The following XYLT1 variants were observed in gnomAD, a reference collection of about 807,000 sequenced individuals.
The protein encoded by XYLT1 is beta-D-xylosyltransferase 1.
In XYLT1, 36 loss-of-function variants were observed where a neutral mutation model predicts 91.3. The observed-to-expected ratio is 0.39, with a 90% CI of 0.30 to 0.52. The LOEUF is 0.52. Among genes scored for constraint, XYLT1 ranks in the 20% least tolerant of loss-of-function variants. The pLI is 0.68. For missense variants in XYLT1, 1,242 were observed against 1,284.5 expected (o/e 0.97, Z 0.51); for synonymous variants, 588 against 532.0 (o/e 1.11, Z -1.45).
rs527818743 is a variant in XYLT1 at position 17,233,433 on chromosome 16, G to C, written c.913+25555C>G. Reference sequence around the variant, plus strand: ...GCTAGTGATGGAGACTTCTGACTGCGGAAGCGAGCAAGAGTCCTCAGAGCA... The same window carrying C: ...GCTAGTGATGGAGACTTCTGACTGCCGAAGCGAGCAAGAGTCCTCAGAGCA... On this transcript the variant is annotated intron_variant, in intron 3 of 11. Coordinates refer to ENST00000261381, the MANE Select transcript of XYLT1 (RefSeq NM_022166.4). Among the ~76,000 whole-genome samples, 3 of 152,210 alleles carry C rather than the reference G, an allele frequency of 2.0e-5. 1 individual carries two copies. The highest frequency in any genetic ancestry group is 4.4e-5 in the Non-Finnish European group (3 of 68,038).
intron 1 of XYLT1, among the ~76,000 whole-genome samples, chr16:17,389,169 T>C (rs1306732436): frequency 6.6e-6 from 1 of 152,244 alleles, no homozygotes; most frequent in South Asian, 2.1e-4. Context: ...AAATTCAGCA[T>C]TGTTGATCCC....
intron 1 of XYLT1, among the ~76,000 whole-genome samples, chr16:17,410,975 T>A (rs940853233): frequency 6.6e-6 from 1 of 152,166 alleles, no homozygotes; most frequent in Non-Finnish European, 1.5e-5. Context: ...CCAGGCTTCT[T>A]GCATATTTTA....
intron 10 of XYLT1, among the ~76,000 whole-genome samples, chr16:17,120,155 C>A (rs924666240): frequency 6.6e-6 from 1 of 152,056 alleles, no homozygotes; most frequent in Non-Finnish European, 1.5e-5. Context: ...AGCATAGTGC[C>A]CGGAACACAG....
intron 5 of XYLT1, among the ~76,000 whole-genome samples, chr16:17,181,950 G>A (rs1416689192): frequency 6.6e-6 from 1 of 152,072 alleles, no homozygotes; most frequent in Non-Finnish European, 1.5e-5. Context: ...TGTTTTGATG[G>A]TGAGAAGGTG....
chr16:17,456,442 A>T (rs529007284), intron 1 of XYLT1, among the ~76,000 whole-genome samples: 4 of 146,708 alleles, frequency 2.7e-5, no homozygotes, highest in Admixed American at 1.4e-4. Flanking sequence ...GGGTCAAGTG[A>T]TCCTCCCACC....
intron 3 of XYLT1, among the ~76,000 whole-genome samples, chr16:17,206,055 G>A (rs1395338475): frequency 6.6e-6 from 1 of 152,150 alleles, no homozygotes; most frequent in Non-Finnish European, 1.5e-5. Context: ...GAGCTGGGGT[G>A]TAGAATGCAA....
intron 2 of XYLT1, among the ~76,000 whole-genome samples, chr16:17,330,184 T>C (rs577756763): frequency 2.9e-4 from 44 of 150,916 alleles, no homozygotes; most frequent in Middle Eastern, 6.9e-3. Flanking sequence ...ACAAAGCACT[T>C]GCTCATTACA....
rs137935194 is a variant in XYLT1, at chr16:17,108,807, C to T, written c.2768G>A (p.Gly923Asp). The T allele has an allele frequency of 8.3e-5, 133 of 1,612,074 alleles. No homozygotes were observed. In the African/African-American group the frequency reaches 1.6e-3, roughly 20 times the overall value. Residue 923 changes from glycine (G) to aspartate (D), a missense_variant, in exon 12 of 12, where the codon GGC becomes GAC. Gly to Asp is a moderately conservative substitution (Grantham distance 94, BLOSUM62 -1). This residue lies in a region of XYLT1 where 511 missense variants were observed against 497.0 expected (regional missense o/e 1.03). Coordinates refer to ENST00000261381, the MANE Select transcript of XYLT1 (RefSeq NM_022166.4). ...CTGCATGACCGGGCAGGCTGTGGGG[C>T]CCGTGGCACAGATGTCCATGGCAGT... ...MWTAMDICAT[G>D]PTACPVMQTC...
intron 1 of XYLT1, among the ~76,000 whole-genome samples, chr16:17,455,738 G>A (rs1023939007): frequency 6.6e-6 from 1 of 152,154 alleles, no homozygotes; most frequent in Non-Finnish European, 1.5e-5. Flanking sequence ...TATTTTCTGC[G>A]GCGTCTGCGC....
intron 2 of XYLT1, among the ~76,000 whole-genome samples, chr16:17,283,866 C>T (rs1007631891): frequency 1.3e-5 from 2 of 152,318 alleles, no homozygotes; most frequent in East Asian, 3.9e-4. Context: ...CATTTGACAA[C>T]CATGAATTAG....
intron 1 of XYLT1, among the ~76,000 whole-genome samples, chr16:17,411,263 T>G (rs1302065204): frequency 1.3e-5 from 2 of 152,238 alleles, no homozygotes; most frequent in African/African-American, 4.8e-5. Context: ...TTGCTATTGT[T>G]GATGTTGATA....
Position 17,363,393 on chromosome 16 carries a change from G to A in XYLT1, c.364-5343C>T, listed in dbSNP as rs570218217. Reference sequence around the variant, plus strand: ...AGATTTATCCTTTCACAGTTCTGGAGGTTGAAAGTCCAAGGTCAAGGTGTC... The same window carrying A: ...AGATTTATCCTTTCACAGTTCTGGAAGTTGAAAGTCCAAGGTCAAGGTGTC... On this transcript the variant is annotated intron_variant, in intron 1 of 11. Transcript: ENST00000261381. Among the ~76,000 whole-genome samples, 3 of 152,324 alleles carry A rather than the reference G, an allele frequency of 2.0e-5. No homozygotes were observed. The South Asian group carries it at 6.2e-4, about 32-fold the overall frequency.
At chr16:17,380,856 A>G (rs774741729) in intron 1 of XYLT1, among the ~76,000 whole-genome samples, 1 of 152,226 alleles carries the variant, frequency 6.6e-6, no homozygotes, top group Non-Finnish European at 1.5e-5. Flanking sequence ...CGTGACAGGG[A>G]CAAACCTCAA....
chr16:17,151,803 G>GAAACT (rs1202137496), intron 6 of XYLT1, among the ~76,000 whole-genome samples: 1 of 151,984 alleles, frequency 6.6e-6, no homozygotes, highest in Non-Finnish European at 1.5e-5. Context: ...AGAAGAGAGA[G>GAAACT]AAACTTCTCT....
Position 17,265,408 on chromosome 16 carries a change from C to T in XYLT1, c.403-5910G>A, listed in dbSNP as rs548602755. The stretch of plus-strand genomic sequence containing the variant: ...TGATCAACTGGCATCATCTTCTCTA[C>T]TCTTCATCAATCCAACTCTCTCACC... On this transcript the variant is annotated intron_variant, in intron 2 of 11. Coordinates refer to ENST00000261381, the MANE Select transcript of XYLT1 (RefSeq NM_022166.4). Among the ~76,000 whole-genome samples, 6 of 152,320 alleles carry T rather than the reference C, an allele frequency of 3.9e-5. No homozygotes were observed. The South Asian group carries it at 8.3e-4, about 21-fold the overall frequency.
Position 17,158,985 on chromosome 16 carries a change from C to G in XYLT1, c.1290-76G>C, listed in dbSNP as rs915960534. ...CTTTGTCACAGAAAGCAAGTTTCAC[C>G]AATTATGTCAGTCTGCTTGAAGCAC... On this transcript the variant is annotated intron_variant, in intron 5 of 11. Transcript: ENST00000261381. The G allele has an allele frequency of 4.6e-6, 6 of 1,318,536 alleles. No homozygotes were observed. The African/African-American group carries it at 8.7e-5, about 19-fold the overall frequency. The allele number at this position is 1,318,536 out of a possible 1,614,324, so 81.7% of individuals were successfully genotyped here. A position where few individuals can be genotyped will look rare whatever the true frequency, so the allele number is the denominator to read the frequency against.
At chr16:17,128,647 C>T (rs2030348479) in intron 9 of XYLT1, among the ~76,000 whole-genome samples, 1 of 152,204 alleles carries the variant, frequency 6.6e-6, no homozygotes, top group African/African-American at 2.4e-5. Flanking sequence ...CTGAGATAAA[C>T]ACACATGCAC....
chr16:17,351,522 A>G (rs1227928486), intron 2 of XYLT1, among the ~76,000 whole-genome samples: 1 of 152,116 alleles, frequency 6.6e-6, no homozygotes, highest in East Asian at 1.9e-4. Context: ...CAAAAAAAAT[A>G]AATAAGTAAA....
intron 9 of XYLT1, among the ~76,000 whole-genome samples, chr16:17,131,646 C>T (rs1282058946): frequency 6.6e-6 from 1 of 152,128 alleles, no homozygotes; most frequent in South Asian, 2.1e-4. Context: ...CTGATTCTCT[C>T]AACCTGCCAT....
Sources: allele counts gnomAD v4.1 joint callset (sites outside exome capture counted in the v4.1 genomes callset), GRCh38; gene constraint gnomAD v4.1.1; regional missense constraint gnomAD v4.1.1; transcripts MANE v1.5; gene names NCBI Gene and HGNC (gene_info 2026-07-23, HGNC 2026-07-21).